The following CHD5 variants were observed in gnomAD, a reference collection of about 807,000 sequenced individuals.
The protein encoded by CHD5 is ATP-dependent chromatin remodeler CHD5.
In CHD5, 69 loss-of-function variants were observed where a neutral mutation model predicts 230.3. That is an observed-to-expected ratio of 0.30 (90% CI 0.25 to 0.37). CHD5 has a LOEUF of 0.37. CHD5 is among the 10% of genes least tolerant of loss of function. The pLI is 1.00. For synonymous variants in CHD5, 1,064 were observed against 1,065.9 expected (o/e 1.00, Z 0.03); for missense variants, 1,827 against 2,622.8 (o/e 0.70, Z 6.63).
rs777477544 is a variant in CHD5, at chr1:6,110,383, A to G, written c.5382+11T>C. 2.5e-6 allele frequency: 4 copies of G among 1,613,852 alleles called. No individual in the cohort carries two copies. The South Asian group carries it at 4.4e-5, about 18-fold the overall frequency. On this transcript the variant is annotated intron_variant, in intron 37 of 41. Transcript: ENST00000262450. ...CTGCCCCGTGCAGCCCTGGCCCTTC[A>G]GAAGACAGACCTTAAACCTGCGGGC...
chr1:6,121,340 C>T lies in CHD5; in HGVS notation c.4780-103G>A, dbSNP rs1485607622. On this transcript the variant is annotated intron_variant, in intron 32 of 41. Transcript: ENST00000262450. The surrounding 1 kb of genome is among the most constrained non-coding windows in gnomAD (Gnocchi z 4.5). The stretch of plus-strand genomic sequence containing the variant: ...GGGAACCCAGTCTCCTGGCTCCCGT[C>T]GCTTGCTCCTAGCCTGCTCCCCGCC... 4.6e-6 allele frequency: 7 copies of T among 1,523,918 alleles called. No homozygotes were observed. The highest frequency in any genetic ancestry group is 2.3e-5 in the East Asian group (1 of 43,666). 94.4% of individuals were successfully genotyped at this position (1,523,918 alleles called of 1,614,324 possible).
intron 34 of CHD5, among the ~76,000 whole-genome samples, chr1:6,112,633 C>T (rs1666311428): frequency 6.6e-6 from 1 of 152,230 alleles, no homozygotes; most frequent in Non-Finnish European, 1.5e-5. Context: ...TGCAAAGCTT[C>T]CAGCTGAGCC....
At chr1:6,158,175 C>T (rs776926114) in intron 3 of CHD5, among the ~76,000 whole-genome samples, 4 of 152,222 alleles carry the variant, frequency 2.6e-5, no homozygotes, top group Non-Finnish European at 5.9e-5. Context: ...CAAGGAGCCC[C>T]AGGGTGCAGC....
rs1244287146 is a variant in CHD5 at position 6,121,572 on chromosome 1, G to A, written c.4701C>T (p.Asp1567=). 6.2e-7 allele frequency: 1 copy of A among 1,611,130 alleles called. No homozygotes were observed. The highest frequency in any genetic ancestry group is 8.5e-7 in the Non-Finnish European group (1 of 1,178,432). ...HLLPAPLGLP[D]KMEAQLGYMD... ...TGTAGCCCAGCTGGGCTTCCATTTT[G>A]TCTGAAAGATCAAGGGAAAGAGCTG... Residue 1567 remains aspartate (D), a splice_region_variant and synonymous_variant, in exon 32 of 42, where the codon GAC becomes GAT. Coordinates refer to ENST00000262450, the MANE Select transcript of CHD5 (RefSeq NM_015557.3). The surrounding 1 kb of genome is among the most constrained non-coding windows in gnomAD (Gnocchi z 4.5).
At chr1:6,137,003 AC>A in intron 15 of CHD5, 138 bp from the exon 16 acceptor site, 1 of 833,136 alleles carries the variant, frequency 1.2e-6, no homozygotes, top group South Asian at 2.0e-5. Context: ...CCAGCCTAGG[AC>A]CAGAGGGGCA....
In CHD5 at chr1:6,121,438, A is replaced by G. The variant is rs1666469348; in HGVS notation, c.4779+56T>C. On this transcript the variant is annotated intron_variant, in intron 32 of 41. Coordinates refer to ENST00000262450, the MANE Select transcript of CHD5 (RefSeq NM_015557.3). This position sits in a 1 kb window ranked among gnomAD's most constrained non-coding sequence, Gnocchi z 4.5. ...CTGTACAGGGCCTGAGAAGGTCCCC[A>G]GACCCAACCTCCACCCCACACACAC... 2 of 1,544,382 alleles carry G rather than the reference A, an allele frequency of 1.3e-6. No homozygotes were observed. Among genetic ancestry groups the G allele is most frequent in the Admixed American group, 1.8e-5 (1 of 54,658 alleles).
intron 11 of CHD5, among the ~76,000 whole-genome samples, chr1:6,144,581 G>C (rs1045608558): frequency 6.6e-6 from 1 of 152,238 alleles, no homozygotes; most frequent in African/African-American, 2.4e-5. Flanking sequence ...CCCACGTAGG[G>C]TGAGGAGTCA....
At position 6,154,687 on chromosome 1, in the gene CHD5, G is replaced by A. The variant is rs965603223; in HGVS notation, c.718C>T (p.Arg240Cys). The A allele has an allele frequency of 1.3e-5, 20 of 1,585,634 alleles. No homozygotes were observed. The highest frequency in any genetic ancestry group is 1.4e-5 in the Non-Finnish European group (16 of 1,164,302). ...TTGCCCTCCTTGGTCTTGGCCTTGC[G>A]GATAGGCACAGGCTGGGGCACCTGC... Reference protein sequence around the residue: ...PPQVPQPVPIRKAKTKEGKGP... With the variant: ...PPQVPQPVPICKAKTKEGKGP... The change falls in exon 5 of 42, where the codon CGC (arginine) becomes TGC (cysteine). Residue 240 changes from arginine (R) to cysteine (C), a missense_variant. Physicochemically the swap from Arg to Cys is radical, Grantham distance 180. Transcript: ENST00000262450. This position sits in a 1 kb window ranked among gnomAD's most constrained non-coding sequence, Gnocchi z 7.0.
At position 6,109,850 on chromosome 1, in the gene CHD5, G is replaced by C. The variant is rs1451692059; in HGVS notation, c.5523C>G (p.His1841Gln). Reference protein sequence around the residue: ...EVECLAESHQHLSKESLAGNK... With the variant: ...EVECLAESHQQLSKESLAGNK... ...TCCCAGCAAGGGACTCCTTGGACAGGTGCTGGTGGCTCTCGGCGAGGCACT... is the reference window on the plus strand; with the variant it reads ...TCCCAGCAAGGGACTCCTTGGACAGCTGCTGGTGGCTCTCGGCGAGGCACT... The change falls in exon 38 of 42, where the codon CAC (histidine) becomes CAG (glutamine). Residue 1841 changes from histidine to glutamine, a missense_variant. By Grantham distance (24) the His-to-Gln change is conservative. Around this residue, in one of 14 missense-constraint regions of CHD5, gnomAD observed 208 missense variants for 302.0 expected, o/e 0.69. Coordinates refer to ENST00000262450, the MANE Select transcript of CHD5 (RefSeq NM_015557.3). The C allele has an allele frequency of 1.9e-6, 3 of 1,612,842 alleles. No homozygotes were observed. Among genetic ancestry groups the C allele is most frequent in the Non-Finnish European group, 2.5e-6 (3 of 1,179,768 alleles).
At chr1:6,164,834 T>G (rs904717285) in intron 2 of CHD5, among the ~76,000 whole-genome samples, 1 of 151,026 alleles carries the variant, frequency 6.6e-6, no homozygotes, top group South Asian at 2.1e-4. Context: ...TGCATCTCAG[T>G]AGAGAGAAGG....
chr1:6,146,951 T>TG lies in CHD5; in HGVS notation c.1384-81dup. ...AGGCTCCCATGACAGCAGGCTGCCATGCAGGCTCCCTCCCATCAGTGCCAC... is the reference window on the plus strand; with the variant it reads ...AGGCTCCCATGACAGCAGGCTGCCATGGCAGGCTCCCTCCCATCAGTGCCAC... On this transcript the variant is annotated intron_variant, in intron 9 of 41. Coordinates refer to ENST00000262450, the MANE Select transcript of CHD5 (RefSeq NM_015557.3). This position sits in a 1 kb window ranked among gnomAD's most constrained non-coding sequence, Gnocchi z 5.1. 2 of 1,124,724 alleles carry TG rather than the reference T, an allele frequency of 1.8e-6. No individual in the cohort carries two copies. The highest frequency in any genetic ancestry group is 2.5e-6 in the Non-Finnish European group (2 of 810,376). 69.7% of individuals were successfully genotyped at this position (1,124,724 alleles called of 1,614,324 possible). A position where few individuals can be genotyped will look rare whatever the true frequency, so the allele number is the denominator to read the frequency against.
rs1184317070 is a variant in CHD5, at chr1:6,173,109, T to C, written c.80-4832A>G. Reference sequence around the variant, plus strand: ...AGGACCTGGGGAGAGGCGTTATTTCTTTTTTTTTTTTTTTAGACGGACTCT... The same window carrying C: ...AGGACCTGGGGAGAGGCGTTATTTCCTTTTTTTTTTTTTTAGACGGACTCT... On this transcript the variant is annotated intron_variant, in intron 1 of 41. Coordinates refer to ENST00000262450, the MANE Select transcript of CHD5 (RefSeq NM_015557.3). Among the ~76,000 whole-genome samples the C allele has an allele frequency of 4.8e-5, 4 of 82,526 alleles. 1 individual carries two copies. The highest frequency in any genetic ancestry group is 4.7e-4 in the Admixed American group (4 of 8,470). 54.1% of individuals were successfully genotyped at this position (82,526 alleles called of 152,430 possible).
intron 30 of CHD5, 60 bp from the exon 31 acceptor site, chr1:6,124,167 C>A: frequency 6.7e-7 from 1 of 1,495,910 alleles, no homozygotes; most frequent in South Asian, 1.2e-5. Context: ...GCAACTCAGC[C>A]CTAAGGGCCT....
At chr1:6,133,408 G>A (rs1313773986) in intron 20 of CHD5, among the ~76,000 whole-genome samples, 1 of 152,374 alleles carries the variant, frequency 6.6e-6, no homozygotes, top group East Asian at 1.9e-4. Flanking sequence ...GCAGGCGGCG[G>A]ACGCTGCTTT....
chr1:6,134,282 G>A lies in CHD5; in HGVS notation c.3013-23C>T, dbSNP rs1666703883. 2 of 1,609,510 alleles carry A rather than the reference G, an allele frequency of 1.2e-6. No homozygotes were observed. The highest frequency in any genetic ancestry group is 1.3e-5 in the African/African-American group (1 of 74,920). ...CTCCTGCAGACACAGCAGGAGGTGGGGCATTGGTGGGCTCCCCTCTCCTCT... is the reference window on the plus strand; with the variant it reads ...CTCCTGCAGACACAGCAGGAGGTGGAGCATTGGTGGGCTCCCCTCTCCTCT... On this transcript the variant is annotated intron_variant, in intron 19 of 41. Coordinates refer to ENST00000262450, the MANE Select transcript of CHD5 (RefSeq NM_015557.3). The surrounding 1 kb of genome is among the most constrained non-coding windows in gnomAD (Gnocchi z 6.3).
chr1:6,168,704 T>C (rs1252693493), intron 1 of CHD5, among the ~76,000 whole-genome samples: 1 of 152,124 alleles, frequency 6.6e-6, no homozygotes, highest in East Asian at 1.9e-4. Flanking sequence ...AGGACCACAG[T>C]GTGGCCAGGA....
At chr1:6,107,476 G>GAGGGAGGTATA (rs1666202819) in intron 38 of CHD5, among the ~76,000 whole-genome samples, 1 of 141,824 alleles carries the variant, frequency 7.1e-6, no homozygotes, top group Non-Finnish European at 1.5e-5. Context: ...ATGGAGGGAT[G>GAGGGAGGTATA]ATGAAGGGAT....
chr1:6,146,139 C>G lies in CHD5; in HGVS notation c.1802+73G>C. ...GGGCCCTGGCACCCTGCGCTGCACC[C>G]ATTTTACAGGGCAAAGAAGCTGACG... On this transcript the variant is annotated intron_variant, in intron 11 of 41. Coordinates refer to ENST00000262450, the MANE Select transcript of CHD5 (RefSeq NM_015557.3). The surrounding 1 kb of genome is among the most constrained non-coding windows in gnomAD (Gnocchi z 5.1). 1 of 1,469,736 alleles carries G rather than the reference C, an allele frequency of 6.8e-7. No individual in the cohort carries two copies. The highest frequency in any genetic ancestry group is 1.7e-5 in the Admixed American group (1 of 58,312). The allele number at this position is 1,469,736 out of a possible 1,614,324, so 91.0% of individuals were successfully genotyped here.
Position 6,121,090 on chromosome 1 carries a change from G to A in CHD5, c.4912+15C>T, listed in dbSNP as rs374433299. ...GACATGGCACTGGGGTGGGTGGCCT[G>A]CAAGAAGCCCCAACCTCTCGGCAGC... On this transcript the variant is annotated intron_variant, in intron 33 of 41. Transcript: ENST00000262450. The surrounding 1 kb of genome is among the most constrained non-coding windows in gnomAD (Gnocchi z 4.5). 6.4e-7 allele frequency: 1 copy of A among 1,574,598 alleles called. No homozygotes were observed. Among genetic ancestry groups the A allele is most frequent in the East Asian group, 2.2e-5 (1 of 44,514 alleles).
Sources: gnomAD v4.1 joint callset for allele counts (sites outside exome capture counted in the v4.1 genomes callset) on GRCh38, gnomAD v4.1.1 for gene constraint, gnomAD v4.1.1 regional missense constraint, Gnocchi (gnomAD v3.1) non-coding constraint, MANE v1.5 for transcripts, NCBI Gene and HGNC (gene_info 2026-07-23, HGNC 2026-07-21) for gene names.